CHST9: variants seen among roughly 807,000 people sequenced by gnomAD.
CHST9 encodes the protein GalNAc-4-sulfotransferase 2.
Under a neutral mutation model 44.4 loss-of-function variants are expected in CHST9, and 41 were observed. The observed-to-expected ratio is 0.92, with a 90% CI of 0.72 to 1.20. The LOEUF (loss-of-function observed/expected upper bound fraction) is 1.20. Ranked by LOEUF, CHST9 falls within the 50% of genes most tolerant of loss-of-function variation. The pLI is 0.00. For synonymous variants in CHST9, 171 were observed against 178.4 expected (o/e 0.96, Z 0.33); for missense variants, 504 against 516.5 (o/e 0.98, Z 0.23).
chr18:26,978,119 G>C (rs951102869), intron 4 of CHST9, among the ~76,000 whole-genome samples: 1 of 145,970 alleles, frequency 6.9e-6, no homozygotes, highest in African/African-American at 2.5e-5. Context: ...GTAAAATTTT[G>C]TTCAAAGTGG....
chr18:27,021,744 A>G (rs1352235297), intron 4 of CHST9, among the ~76,000 whole-genome samples: 2 of 152,252 alleles, frequency 1.3e-5, no homozygotes, highest in Non-Finnish European at 2.9e-5. Flanking sequence ...TAGAGCACAC[A>G]TGGTGGATAC....
At chr18:27,111,689 G>C (rs113001705) in intron 2 of CHST9, among the ~76,000 whole-genome samples, 2,732 of 152,302 alleles carry the variant, frequency 0.018, 71 homozygotes, top group African/African-American at 0.061. Flanking sequence ...CCACATAGCT[G>C]GTTAAACATT....
intron 2 of CHST9, among the ~76,000 whole-genome samples, chr18:27,076,193 G>C (rs2057901665): frequency 6.6e-6 from 1 of 152,192 alleles, no homozygotes; most frequent in Non-Finnish European, 1.5e-5. Flanking sequence ...GCTCTCTGAA[G>C]AGGATTAAAT....
intron 1 of CHST9, among the ~76,000 whole-genome samples, chr18:27,167,598 G>A (rs2058800535): frequency 6.6e-6 from 1 of 152,198 alleles, no homozygotes; most frequent in African/African-American, 2.4e-5. Context: ...CACAGGCAGT[G>A]TTTAGGTATT....
At chr18:27,049,235 A>G (rs1041223694) in intron 2 of CHST9, among the ~76,000 whole-genome samples, 1 of 151,872 alleles carries the variant, frequency 6.6e-6, no homozygotes, top group African/African-American at 2.4e-5. Flanking sequence ...GACCGGGGGG[A>G]GGCCGAAATA....
intron 2 of CHST9, among the ~76,000 whole-genome samples, chr18:27,055,526 C>T (rs1352033): frequency 0.31 from 46,982 of 151,840 alleles, 7,416 homozygotes; most frequent in South Asian, 0.43. Context: ...ATTTGCAGGG[C>T]CAGACCTAAA....
chr18:26,929,944 C>T (rs1357636579), intron 5 of CHST9, among the ~76,000 whole-genome samples: 3 of 152,196 alleles, frequency 2.0e-5, no homozygotes, highest in African/African-American at 7.2e-5. Flanking sequence ...TCCAAAGCCA[C>T]CTGAGTCCTG....
chr18:26,933,967 C>G (rs1280335084), intron 5 of CHST9, among the ~76,000 whole-genome samples: 1 of 152,094 alleles, frequency 6.6e-6, no homozygotes, highest in African/African-American at 2.4e-5. Flanking sequence ...ACAAGGAACC[C>G]AAGGGCTGGA....
chr18:27,072,873 A>G (rs1160279242), intron 2 of CHST9, among the ~76,000 whole-genome samples: 3 of 152,124 alleles, frequency 2.0e-5, no homozygotes, highest in African/African-American at 7.2e-5. Context: ...CTCTGGGTAG[A>G]TCCTTGCAAC....
intron 4 of CHST9, among the ~76,000 whole-genome samples, chr18:27,022,530 T>C (rs193114): frequency 6.6e-6 from 1 of 152,230 alleles, no homozygotes; most frequent in African/African-American, 2.4e-5. Context: ...CTTTTCTTGG[T>C]AATATACCTT....
At position 27,024,169 on chromosome 18, in the gene CHST9, G is replaced by A; in HGVS notation, c.161-12C>T. ...CACTGGTCCCCATCCTGAAAAAGAA[G>A]AGGAAAGAAATTCATATATTACCAT... On this transcript the variant is annotated splice_polypyrimidine_tract_variant and intron_variant, in intron 3 of 5. Transcript: ENST00000618847. 2 of 1,608,612 alleles carry A rather than the reference G, an allele frequency of 1.2e-6. No individual in the cohort carries two copies. Among genetic ancestry groups the A allele is most frequent in the Non-Finnish European group, 1.7e-6 (2 of 1,177,590 alleles).
intron 2 of CHST9, among the ~76,000 whole-genome samples, chr18:27,131,353 C>A (rs980019111): frequency 6.6e-6 from 1 of 151,248 alleles, no homozygotes; most frequent in African/African-American, 2.4e-5. Context: ...AGTTCGAGAC[C>A]AGCCTGGCCA....
chr18:26,995,329 T>A (rs1173793151), intron 4 of CHST9, among the ~76,000 whole-genome samples: 2 of 147,532 alleles, frequency 1.4e-5, no homozygotes. Context: ...TCTCAGTTAC[T>A]CGGGAGGCTG....
At chr18:26,972,189 T>C (rs2056554542) in intron 4 of CHST9, among the ~76,000 whole-genome samples, 5 of 151,456 alleles carry the variant, frequency 3.3e-5, no homozygotes, top group Admixed American at 3.3e-4. Context: ...AAAACCCATC[T>C]CCACTAAAAA....
chr18:26,967,101 AATC>A (rs973095596), intron 4 of CHST9, among the ~76,000 whole-genome samples: 14 of 152,120 alleles, frequency 9.2e-5, no homozygotes, highest in African/African-American at 3.1e-4. Context: ...TTCTAACACT[AATC>A]ATATTCATCA....
chr18:27,172,749 T>C (rs1468662463), intron 1 of CHST9, among the ~76,000 whole-genome samples: 1 of 152,190 alleles, frequency 6.6e-6, no homozygotes, highest in East Asian at 1.9e-4. Flanking sequence ...CCCTCTTTGC[T>C]ATTATTTATA....
intron 2 of CHST9, among the ~76,000 whole-genome samples, chr18:27,053,307 AAGGAGAAGGAGAAGG>A (rs2057610096): frequency 9.2e-5 from 12 of 130,690 alleles, no homozygotes; most frequent in Admixed American, 1.6e-4. Context: ...GGAGAAGGAG[AAGGAGAAGGAGAAGG>A]AGAAGATTTC....
chr18:27,074,236 A>T (rs2057874835), intron 2 of CHST9, among the ~76,000 whole-genome samples: 1 of 152,158 alleles, frequency 6.6e-6, no homozygotes, highest in Non-Finnish European at 1.5e-5. Context: ...ACTGTGATTT[A>T]TTTTGGCCAG....
chr18:26,980,417 CA>C lies in CHST9; in HGVS notation c.203-36052del, dbSNP rs372321841. 4.9e-4 allele frequency among the ~76,000 whole-genome samples: 75 copies of C among 152,016 alleles called. No individual in the cohort carries two copies. In the East Asian group the frequency reaches 0.01, roughly 21 times the overall value. ...GATAATAATGGCAATGATTATGTAC[CA>C]AACATAAATTGGAGGATGAGAGAGA... On this transcript the variant is annotated intron_variant, in intron 4 of 5. Coordinates refer to ENST00000618847, the MANE Select transcript of CHST9 (RefSeq NM_031422.6).
Sources: gnomAD v4.1 joint callset for allele counts (sites outside exome capture counted in the v4.1 genomes callset) on GRCh38, gnomAD v4.1.1 for gene constraint, MANE v1.5 for transcripts, NCBI Gene and HGNC (gene_info 2026-07-23, HGNC 2026-07-21) for gene names.